Variants in IL20RA observed in about 807,000 individuals in gnomAD.
IL20RA encodes the protein interleukin-20 receptor subunit alpha.
Under a neutral mutation model 36.5 loss-of-function variants are expected in IL20RA, and 29 were observed. The ratio of observed to expected loss-of-function variants is 0.79; its 90% CI spans 0.59 to 1.08. IL20RA has a LOEUF of 1.08. Among genes scored for constraint, IL20RA ranks in the 50% least tolerant of loss-of-function variants. IL20RA has a pLI of 0.00. For missense variants in IL20RA, 652 were observed against 668.4 expected (o/e 0.98, Z 0.27); for synonymous variants, 279 against 267.1 (o/e 1.04, Z -0.43).
In IL20RA at chr6:137,044,742, G is replaced by A; in HGVS notation, c.-14C>T. The A allele has an allele frequency of 8.2e-7, 1 of 1,215,222 alleles. No homozygotes were observed. Among genetic ancestry groups the A allele is most frequent in the South Asian group, 4.1e-5 (1 of 24,186 alleles). The allele number at this position is 1,215,222 out of a possible 1,614,324, so 75.3% of individuals were successfully genotyped here. ...GGGAGCCCGCATGGGCGGCGGGGCTGGGTCACATGTCGGGGGGCAGCAGAC... is the reference window on the plus strand; with the variant it reads ...GGGAGCCCGCATGGGCGGCGGGGCTAGGTCACATGTCGGGGGGCAGCAGAC... On this transcript the variant is annotated 5_prime_UTR_variant, in exon 1 of 7. Coordinates refer to ENST00000316649, the MANE Select transcript of IL20RA (RefSeq NM_014432.4).
intron 1 of IL20RA, among the ~76,000 whole-genome samples, chr6:137,036,072 A>C (rs1776480596): frequency 6.6e-6 from 1 of 152,208 alleles, no homozygotes; most frequent in Non-Finnish European, 1.5e-5. Flanking sequence ...ACCCATTGAC[A>C]GCTCTGCCTT....
chr6:137,017,087 A>T lies in IL20RA; in HGVS notation c.105T>A (p.Gly35=), dbSNP rs1775720754. The stretch of plus-strand genomic sequence containing the variant: ...TGATGTTTGCAGGTTTAGGCAAACC[A>T]CCAGAGACACAGGGAACTGAAAAAG... ...PWGRAVPCVS[G]GLPKPANITF... Residue 35 remains glycine (G), a synonymous_variant, in exon 2 of 7, where the codon GGT becomes GGA. Transcript: ENST00000316649. 6.2e-7 allele frequency: 1 copy of T among 1,613,524 alleles called. No individual in the cohort carries two copies. Among genetic ancestry groups the T allele is most frequent in the East Asian group, 2.2e-5 (1 of 44,860 alleles).
At chr6:137,018,438 C>T (rs1349569145) in intron 1 of IL20RA, among the ~76,000 whole-genome samples, 3 of 151,852 alleles carry the variant, frequency 2.0e-5, no homozygotes, top group South Asian at 2.1e-4. Context: ...TTTAACCTTG[C>T]TCATTTAAAA....
intron 5 of IL20RA, among the ~76,000 whole-genome samples, chr6:137,006,844 T>G (rs1327877554): frequency 1.3e-5 from 2 of 152,044 alleles, no homozygotes; most frequent in East Asian, 1.9e-4. Flanking sequence ...CCATCTCAGC[T>G]TCCCAAGTAG....
At chr6:137,008,494 T>C in intron 5 of IL20RA, 105 bp downstream of exon 5, 2 of 1,229,082 alleles carry the variant, frequency 1.6e-6, no homozygotes, top group Non-Finnish European at 2.2e-6. Flanking sequence ...CCTCAACCTG[T>C]TTCTGTTAGA....
chr6:137,025,020 C>T (rs548888596), intron 1 of IL20RA, among the ~76,000 whole-genome samples: 16 of 152,278 alleles, frequency 1.1e-4, no homozygotes, highest in Non-Finnish European at 1.9e-4. Context: ...TGTGAGGAGT[C>T]GGCAAGGAAC....
At chr6:137,006,375 C>T (rs193071512) in intron 5 of IL20RA, among the ~76,000 whole-genome samples, 25 of 152,318 alleles carry the variant, frequency 1.6e-4, no homozygotes, top group Admixed American at 1.6e-3. Flanking sequence ...AGAACACCAC[C>T]TGCCCTGCTT....
chr6:137,003,463 C>T (rs1179487023), intron 6 of IL20RA, among the ~76,000 whole-genome samples: 1 of 152,172 alleles, frequency 6.6e-6, no homozygotes, highest in African/African-American at 2.4e-5. Context: ...TGGCCATGTT[C>T]CTCCTAAGTG....
In IL20RA at chr6:137,021,021, G is replaced by A. The variant is rs554600033; in HGVS notation, c.89-3918C>T. Among the ~76,000 whole-genome samples, 312 of 149,712 alleles carry A rather than the reference G, an allele frequency of 2.1e-3. 1 individual carries two copies. The highest frequency in any genetic ancestry group is 7.5e-3 in the African/African-American group (307 of 41,194). Reference sequence around the variant, plus strand: ...CCAGGACACAAAATATTCCTGTTATGACATGGTCTGCTGGTTTTGAAACCT... The same window carrying A: ...CCAGGACACAAAATATTCCTGTTATAACATGGTCTGCTGGTTTTGAAACCT... On this transcript the variant is annotated intron_variant, in intron 1 of 6. Transcript: ENST00000316649.
intron 1 of IL20RA, among the ~76,000 whole-genome samples, chr6:137,032,545 C>T (rs1256074288): frequency 6.6e-6 from 1 of 152,196 alleles, no homozygotes; most frequent in Non-Finnish European, 1.5e-5. Context: ...ATCCTGGCTC[C>T]AAGTTCTCAC....
intron 1 of IL20RA, among the ~76,000 whole-genome samples, chr6:137,034,536 T>C (rs1412244116): frequency 6.6e-6 from 1 of 152,138 alleles, no homozygotes; most frequent in African/African-American, 2.4e-5. Flanking sequence ...CTGCATGCAT[T>C]AGCTATTTAT....
At position 137,001,377 on chromosome 6, in the gene IL20RA, A is replaced by G. The variant is rs1326178578; in HGVS notation, c.*181T>C. On this transcript the variant is annotated 3_prime_UTR_variant, in exon 7 of 7. Transcript: ENST00000316649. ...CCAGAGGCCCACCATCATTGTTAAG[A>G]GACCTACATGCATGAACCAATCACA... 2 of 507,252 alleles carry G rather than the reference A, an allele frequency of 3.9e-6. No homozygotes were observed. The highest frequency in any genetic ancestry group is 1.9e-5 in the African/African-American group (1 of 51,392). 31.4% of individuals were successfully genotyped at this position (507,252 alleles called of 1,614,324 possible). A position where few individuals can be genotyped will look rare whatever the true frequency, so the allele number is the denominator to read the frequency against.
At chr6:137,034,031 A>G (rs1474244684) in intron 1 of IL20RA, among the ~76,000 whole-genome samples, 1 of 152,222 alleles carries the variant, frequency 6.6e-6, no homozygotes, top group Non-Finnish European at 1.5e-5. Flanking sequence ...AATAGTACCT[A>G]TGTCAGAAGC....
At chr6:137,017,310 T>A (rs365927) in intron 1 of IL20RA, among the ~76,000 whole-genome samples, 124,791 of 152,230 alleles carry the variant, frequency 0.82, 56,560 homozygotes, top group East Asian at 1. Flanking sequence ...ATTCCCGAGT[T>A]GCTATGTAAA....
intron 1 of IL20RA, among the ~76,000 whole-genome samples, chr6:137,032,659 T>C (rs1184087236): frequency 2.0e-5 from 3 of 152,214 alleles, no homozygotes; most frequent in African/African-American, 7.2e-5. Context: ...GATTGTTGCT[T>C]GGAATTTGGA....
chr6:137,043,588 T>C (rs1438901884), intron 1 of IL20RA, among the ~76,000 whole-genome samples: 1 of 152,214 alleles, frequency 6.6e-6, no homozygotes, highest in Admixed American at 6.5e-5. Context: ...TCAAAATCTC[T>C]CCAAGATCTG....
intron 1 of IL20RA, among the ~76,000 whole-genome samples, chr6:137,039,154 T>C (rs1028732093): frequency 2.0e-5 from 3 of 152,224 alleles, no homozygotes; most frequent in Non-Finnish European, 4.4e-5. Context: ...GTCGTTCCTA[T>C]TCCATGCCGC....
chr6:137,043,833 T>A (rs1776799075), intron 1 of IL20RA, among the ~76,000 whole-genome samples: 1 of 152,194 alleles, frequency 6.6e-6, no homozygotes, highest in Non-Finnish European at 1.5e-5. Flanking sequence ...CTTTTTTGTT[T>A]TTTTAAAAAA....
intron 1 of IL20RA, among the ~76,000 whole-genome samples, chr6:137,021,389 G>A (rs1357276768): frequency 6.6e-6 from 1 of 151,886 alleles, no homozygotes; most frequent in Non-Finnish European, 1.5e-5. Context: ...TTGTGGCCAG[G>A]CGTGGTATCT....
Sources: gnomAD v4.1 joint callset for allele counts (sites outside exome capture counted in the v4.1 genomes callset) on GRCh38, gnomAD v4.1.1 for gene constraint, MANE v1.5 for transcripts, NCBI Gene and HGNC (gene_info 2026-07-23, HGNC 2026-07-21) for gene names.